The following BRINP3 variants were observed in gnomAD, a reference collection of about 807,000 sequenced individuals.
BRINP3 encodes BMP/retinoic acid inducible neural specific 3, also known as BMP/retinoic acid-inducible neural-specific protein 3.
BRINP3 carries 19 observed loss-of-function variants against 71.0 expected under a neutral mutation model. The observed-to-expected ratio is 0.27, with a 90% confidence interval of 0.19 to 0.39. The LOEUF is 0.39. Among genes scored for constraint, BRINP3 ranks in the 10% least tolerant of loss-of-function variants. The pLI is 1.00. For missense variants in BRINP3, 959 were observed against 940.8 expected (o/e 1.02, Z -0.25); for synonymous variants, 380 against 337.7 (o/e 1.13, Z -1.37).
At chr1:190,240,709 A>G (rs978759743) in intron 4 of BRINP3, among the ~76,000 whole-genome samples, 3 of 151,730 alleles carry the variant, frequency 2.0e-5, no homozygotes, top group African/African-American at 7.3e-5. Flanking sequence ...TGTCTCTACT[A>G]AAAATACAAA....
intron 5 of BRINP3, 129 bp from the exon 6 acceptor site, chr1:190,226,447 C>A: frequency 3.9e-6 from 2 of 515,986 alleles, no homozygotes; most frequent in African/African-American, 2.0e-5. Context: ...TATTTTTAAA[C>A]TATCAGAAAA....
intron 2 of BRINP3, among the ~76,000 whole-genome samples, chr1:190,373,895 C>T (rs1670024323): frequency 6.7e-6 from 1 of 150,306 alleles, no homozygotes; most frequent in Non-Finnish European, 1.5e-5. Context: ...ACACTGCCTC[C>T]TACTGTCTAT....
chr1:190,358,821 C>T (rs1668924760), intron 2 of BRINP3, among the ~76,000 whole-genome samples: 1 of 152,084 alleles, frequency 6.6e-6, no homozygotes, highest in African/African-American at 2.4e-5. Flanking sequence ...CCATGGAATA[C>T]TATGCAGCCA....
intron 1 of BRINP3, among the ~76,000 whole-genome samples, chr1:190,473,571 A>G (rs1212040387): frequency 2.9e-5 from 4 of 138,384 alleles, no homozygotes; most frequent in East Asian, 2.1e-4. Context: ...CACTGTGTGG[A>G]AAGTCCAGGC....
intron 3 of BRINP3, among the ~76,000 whole-genome samples, chr1:190,279,912 A>C (rs1176848027): frequency 4.0e-5 from 6 of 151,886 alleles, no homozygotes; most frequent in Non-Finnish European, 8.8e-5. Context: ...CAATCTCCTA[A>C]GAAAGTGTAG....
At chr1:190,158,785 T>A (rs916376407) in intron 7 of BRINP3, among the ~76,000 whole-genome samples, 11 of 142,666 alleles carry the variant, frequency 7.7e-5, no homozygotes, top group Admixed American at 2.8e-4. Flanking sequence ...AAAAAAATAA[T>A]AAGGACTATC....
chr1:190,176,835 TAG>T (rs1652551671), intron 6 of BRINP3, among the ~76,000 whole-genome samples: 1 of 152,132 alleles, frequency 6.6e-6, no homozygotes, highest in Admixed American at 6.5e-5. Context: ...AAGAAGCAGT[TAG>T]CTCTTTTAAC....
intron 2 of BRINP3, among the ~76,000 whole-genome samples, chr1:190,340,917 T>C (rs899300609): frequency 6.6e-6 from 1 of 151,682 alleles, no homozygotes; most frequent in African/African-American, 2.4e-5. Context: ...TCTTTTTTTT[T>C]CCAAGAAATA....
intron 2 of BRINP3, among the ~76,000 whole-genome samples, chr1:190,312,967 A>G (rs903475186): frequency 6.6e-6 from 1 of 151,890 alleles, no homozygotes; most frequent in African/African-American, 2.4e-5. Context: ...AAATTCTTCA[A>G]TGTATCCTTA....
chr1:190,312,733 A>G (rs1665622630), intron 2 of BRINP3, among the ~76,000 whole-genome samples: 1 of 151,854 alleles, frequency 6.6e-6, no homozygotes. Context: ...TCTTAAATTA[A>G]ATCTCATTTT....
intron 4 of BRINP3, among the ~76,000 whole-genome samples, chr1:190,248,761 C>A (rs1360871442): frequency 1.3e-5 from 2 of 151,806 alleles, no homozygotes; most frequent in Admixed American, 6.6e-5. Context: ...CACACACACA[C>A]ACTCATACAC....
chr1:190,326,860 ATAGCCC>A (rs1666610738), intron 2 of BRINP3, among the ~76,000 whole-genome samples: 1 of 152,090 alleles, frequency 6.6e-6, no homozygotes, highest in Admixed American at 6.6e-5. Flanking sequence ...GCTTAAGTAC[ATAGCCC>A]ACAGACCCTA....
chr1:190,327,122 C>T lies in BRINP3; in HGVS notation c.237-45372G>A, dbSNP rs528259136. On this transcript the variant is annotated intron_variant, in intron 2 of 7. Coordinates refer to ENST00000367462, the MANE Select transcript of BRINP3 (RefSeq NM_199051.3). ...CTTGAGGTCAGGAGTTTGAGACCAG[C>T]TTGGCCAATATGGAGAAGCCCCATC... Among the ~76,000 whole-genome samples the T allele has an allele frequency of 1.6e-3, 241 of 151,124 alleles. 1 individual carries two copies. The highest frequency in any genetic ancestry group is 5.5e-3 in the African/African-American group (226 of 41,210).
At chr1:190,311,479 G>A (rs1044345772) in intron 2 of BRINP3, among the ~76,000 whole-genome samples, 2 of 151,308 alleles carry the variant, frequency 1.3e-5, no homozygotes, top group Non-Finnish European at 3.0e-5. Flanking sequence ...AGAATTTGAC[G>A]TTAGTAGCCA....
intron 4 of BRINP3, among the ~76,000 whole-genome samples, chr1:190,240,350 A>C (rs907713215): frequency 2.0e-5 from 3 of 152,062 alleles, no homozygotes; most frequent in African/African-American, 7.2e-5. Context: ...AATGAGATAA[A>C]AGTTTGTTAA....
chr1:190,453,203 ATTTTTTTTT>A (rs1190785225), intron 2 of BRINP3, among the ~76,000 whole-genome samples: 194 of 40,892 alleles, frequency 4.7e-3, no homozygotes, highest in Admixed American at 0.011. Context: ...AAACTTTAGT[ATTTTTTTTT>A]TTTTTTTTTT....
At chr1:190,162,013 A>G (rs1305605727) in intron 6 of BRINP3, among the ~76,000 whole-genome samples, 1 of 152,158 alleles carries the variant, frequency 6.6e-6, no homozygotes, top group African/African-American at 2.4e-5. Context: ...TCAAATAAGT[A>G]CAGAGTTCTG....
chr1:190,216,555 C>T (rs1357381546), intron 6 of BRINP3, among the ~76,000 whole-genome samples: 3 of 151,820 alleles, frequency 2.0e-5, no homozygotes, highest in African/African-American at 7.2e-5. Context: ...AATTCGCTGA[C>T]ACTTTTATTT....
At position 190,160,685 on chromosome 1, in the gene BRINP3, G is replaced by A. The variant is rs572813236; in HGVS notation, c.1167C>T (p.Ile389=). The A allele has an allele frequency of 6.2e-7, 1 of 1,613,074 alleles. No homozygotes were observed. Among genetic ancestry groups the A allele is most frequent in the East Asian group, 2.2e-5 (1 of 44,790 alleles). ...LSKRCHKQPL[I]SLPRQRTSTY... is the part of the protein sequence containing the mutation. Reference sequence around the variant, plus strand: ...TGTCTTACCTTTGTCTTGGCAGGCTGATGAGGGGTTGTTTATGACACCTCT... The same window carrying A: ...TGTCTTACCTTTGTCTTGGCAGGCTAATGAGGGGTTGTTTATGACACCTCT... The change falls in exon 7 of 8, where the codon ATC becomes ATT. Residue 389 remains isoleucine (I), a synonymous_variant. Transcript: ENST00000367462.
Sources: gnomAD v4.1 joint callset for allele counts (sites outside exome capture counted in the v4.1 genomes callset) on GRCh38, gnomAD v4.1.1 for gene constraint, MANE v1.5 for transcripts, NCBI Gene and HGNC (gene_info 2026-07-23, HGNC 2026-07-21) for gene names.